The following TESMIN variants were observed in gnomAD, a reference collection of about 807,000 sequenced individuals.
TESMIN encodes testis expressed metallothionein like protein.
Under a neutral mutation model 47.4 loss-of-function variants are expected in TESMIN, and 34 were observed. The ratio of observed to expected loss-of-function variants is 0.72; its 90% confidence interval spans 0.55 to 0.96. The LOEUF (loss-of-function observed/expected upper bound fraction) is 0.96. Among genes scored for constraint, TESMIN ranks in the 40% least tolerant of loss-of-function variants. The pLI is 0.00. For missense variants in TESMIN, 610 were observed against 637.2 expected (o/e 0.96, Z 0.46); for synonymous variants, 278 against 258.9 (o/e 1.07, Z -0.71).
rs1946573741 is a variant in TESMIN, at chr11:68,750,241, C to T, written c.420G>A (p.Leu140=). The change falls in exon 2 of 10, where the codon CTG becomes CTA. Residue 140 remains leucine, a synonymous_variant. Coordinates refer to ENST00000255087, the MANE Select transcript of TESMIN (RefSeq NM_004923.3). The part of the protein sequence containing the change: ...PAHRSPAVLP[L]GAWVLEGASH... The stretch of plus-strand genomic sequence containing the variant: ...AGGCTCCTTCCAGGACCCAGGCGCC[C>T]AGGGGCAACACCGCCGGGCTGCGGT... The T allele has an allele frequency of 1.3e-6, 2 of 1,532,674 alleles. No individual in the cohort carries two copies. The highest frequency in any genetic ancestry group is 2.9e-5 in the African/African-American group (2 of 70,016). The allele number at this position is 1,532,674 out of a possible 1,614,324, so 94.9% of individuals were successfully genotyped here.
Position 68,716,024 on chromosome 11 carries a change from G to A in TESMIN, c.918-85C>T, listed in dbSNP as rs543490939. ...AAGAGCACACACGTGTAAGGAAAGAGCGGGCAGTGTGCTGCAGTCAGAACA... is the reference window on the plus strand; with the variant it reads ...AAGAGCACACACGTGTAAGGAAAGAACGGGCAGTGTGCTGCAGTCAGAACA... On this transcript the variant is annotated intron_variant, in intron 6 of 9. Coordinates refer to ENST00000255087, the MANE Select transcript of TESMIN (RefSeq NM_004923.3). The A allele has an allele frequency of 8.2e-5, 73 of 891,914 alleles. No homozygotes were observed. In the East Asian group the frequency reaches 1.7e-3, roughly 21 times the overall value. 55.2% of individuals were successfully genotyped at this position (891,914 alleles called of 1,614,324 possible).
chr11:68,738,586 T>C (rs1946416062), intron 6 of TESMIN, 114 bp downstream of exon 6: 1 of 1,514,950 alleles, frequency 6.6e-7, no homozygotes, highest in African/African-American at 1.4e-5. Flanking sequence ...TTCTCAGAAG[T>C]CATGAAGGTG....
intron 6 of TESMIN, among the ~76,000 whole-genome samples, chr11:68,717,602 G>A (rs563560506): frequency 2.6e-4 from 40 of 152,326 alleles, no homozygotes; most frequent in South Asian, 1.4e-3. Flanking sequence ...GAGAACTGGC[G>A]TGGCAGACTC....
chr11:68,724,584 C>T (rs1302451663), intron 6 of TESMIN, among the ~76,000 whole-genome samples: 90 of 152,306 alleles, frequency 5.9e-4, no homozygotes, highest in Non-Finnish European at 8.8e-4. Flanking sequence ...GTGATTATGA[C>T]AATGCCGGTC....
chr11:68,711,128 A>G, intron 8 of TESMIN, 79 bp from the exon 9 acceptor site: 1 of 1,248,776 alleles, frequency 8.0e-7, no homozygotes. Flanking sequence ...TTGGACCTTA[A>G]ATAATTCTTC....
chr11:68,744,967 T>C (rs779500448), intron 4 of TESMIN, 24 bp downstream of exon 4: 3 of 1,511,754 alleles, frequency 2.0e-6, no homozygotes, highest in South Asian at 2.5e-5. Flanking sequence ...ATGACATAGT[T>C]TTTTTTATTA....
chr11:68,731,915 C>T (rs1946331543), intron 6 of TESMIN, among the ~76,000 whole-genome samples: 1 of 152,230 alleles, frequency 6.6e-6, no homozygotes, highest in African/African-American at 2.4e-5. Context: ...AATGCATGAT[C>T]AGAATGCCAT....
At chr11:68,745,474 T>C (rs751700864) in intron 3 of TESMIN, among the ~76,000 whole-genome samples, 12 of 152,222 alleles carry the variant, frequency 7.9e-5, no homozygotes, top group Middle Eastern at 3.4e-3. Context: ...ACCATTGACA[T>C]GAGCAGAAGA....
intron 6 of TESMIN, chr11:68,738,289 C>T: frequency 1.0e-6 from 1 of 1,001,674 alleles, no homozygotes; most frequent in South Asian, 4.2e-5. Context: ...CGGGCGGAGG[C>T]AGCTGGAGGG....
At chr11:68,730,225 G>A (rs1946311085) in intron 6 of TESMIN, among the ~76,000 whole-genome samples, 1 of 152,170 alleles carries the variant, frequency 6.6e-6, no homozygotes, top group Non-Finnish European at 1.5e-5. Context: ...CATGCATTAG[G>A]AAACCAAAAA....
intron 6 of TESMIN, among the ~76,000 whole-genome samples, chr11:68,730,667 C>A (rs958655957): frequency 4.6e-5 from 7 of 151,764 alleles, no homozygotes; most frequent in Non-Finnish European, 1.0e-4. Context: ...TGGTGGCGGG[C>A]ACCTATAATC....
At chr11:68,715,565 G>C (rs921995572) in intron 7 of TESMIN, among the ~76,000 whole-genome samples, 2 of 152,082 alleles carry the variant, frequency 1.3e-5, no homozygotes. Flanking sequence ...GTGGACATTC[G>C]CATGTTCTTG....
intron 6 of TESMIN, among the ~76,000 whole-genome samples, chr11:68,723,749 C>T (rs543973862): frequency 9.9e-5 from 15 of 151,794 alleles, no homozygotes; most frequent in South Asian, 2.1e-4. Context: ...TATATGAATA[C>T]GAATATATGA....
chr11:68,714,627 T>G (rs1415163772), intron 7 of TESMIN, among the ~76,000 whole-genome samples: 2 of 152,232 alleles, frequency 1.3e-5, no homozygotes, highest in Non-Finnish European at 2.9e-5. Context: ...TAGCTCCTGC[T>G]TTTCATCAAT....
In TESMIN at chr11:68,742,198, T is replaced by C. The variant is rs992881819; in HGVS notation, c.828+120A>G. 1.0e-5 allele frequency: 7 copies of C among 671,438 alleles called. No homozygotes were observed. In the African/African-American group the frequency reaches 1.3e-4, roughly 12 times the overall value. The allele number at this position is 671,438 out of a possible 1,614,324, so 41.6% of individuals were successfully genotyped here. On this transcript the variant is annotated intron_variant, in intron 5 of 9. Transcript: ENST00000255087. ...AGGGACTGAACACTTGGTAAGTATT[T>C]CACTTTGACTTTTAAATGGAAAATA...
chr11:68,728,150 A>G (rs992184383), intron 6 of TESMIN, among the ~76,000 whole-genome samples: 1 of 152,248 alleles, frequency 6.6e-6, no homozygotes, highest in Non-Finnish European at 1.5e-5. Context: ...ACTTTAAATC[A>G]AAAGATTAAG....
At chr11:68,737,465 C>T in intron 6 of TESMIN, 2 of 985,700 alleles carry the variant, frequency 2.0e-6, no homozygotes, top group Non-Finnish European at 2.4e-6. Flanking sequence ...CCCCAAACCA[C>T]TCTCCTCACA....
downstream of TESMIN, among the ~76,000 whole-genome samples, chr11:68,706,250 C>A (rs1352975577): frequency 6.6e-6 from 1 of 152,172 alleles, no homozygotes; most frequent in Non-Finnish European, 1.5e-5. Context: ...AGACGGGATT[C>A]CCTGCAAGTG....
intron 6 of TESMIN, among the ~76,000 whole-genome samples, chr11:68,729,859 T>C (rs1250877588): frequency 6.6e-6 from 1 of 152,230 alleles, no homozygotes; most frequent in African/African-American, 2.4e-5. Context: ...AACTCCAATT[T>C]TGAAAGTTCT....
Sources: gnomAD v4.1 joint callset for allele counts (sites outside exome capture counted in the v4.1 genomes callset) on GRCh38, gnomAD v4.1.1 for gene constraint, MANE v1.5 for transcripts, NCBI Gene and HGNC (gene_info 2026-07-23, HGNC 2026-07-21) for gene names.